APCDD1L: variants seen among roughly 807,000 people sequenced by gnomAD.
The protein encoded by APCDD1L is APC down-regulated 1 like, also known as protein APCDD1-like.
Under a neutral mutation model 24.2 loss-of-function variants are expected in APCDD1L, and 21 were observed. The ratio of observed to expected loss-of-function variants is 0.87; its 90% confidence interval spans 0.61 to 1.25. The LOEUF is 1.25. Among genes scored for constraint, APCDD1L ranks in the 50% most tolerant of loss-of-function variants. The pLI is 0.00. For missense variants in APCDD1L, 704 were observed against 711.7 expected (o/e 0.99, Z 0.12); for synonymous variants, 321 against 323.6 (o/e 0.99, Z 0.09).
At position 58,494,278 on chromosome 20, in the gene APCDD1L, TTCTTTTC is replaced by T. The variant is rs1379793092; in HGVS notation, c.49+20374_49+20380del. Among the ~76,000 whole-genome samples the T allele has an allele frequency of 6.9e-6, 1 of 144,336 alleles. No homozygotes were observed. The highest frequency in any genetic ancestry group is 2.2e-4 in the East Asian group (1 of 4,638). 94.7% of individuals were successfully genotyped at this position (144,336 alleles called of 152,430 possible). A position where few individuals can be genotyped will look rare whatever the true frequency, so the allele number is the denominator to read the frequency against. On this transcript the variant is annotated intron_variant, in intron 1 of 3. Coordinates refer to ENST00000371149, the MANE Select transcript of APCDD1L (RefSeq NM_153360.3). The surrounding 1 kb of genome is among the most constrained non-coding windows in gnomAD (Gnocchi z 4.8). ...AACTGCATTTCTTTTTTCTTTTCTT[TTCTTTTC>T]TTACTTTTCTTTTCTCTTCTCTCTT...
intron 1 of APCDD1L, among the ~76,000 whole-genome samples, chr20:58,501,656 A>C (rs1413859934): frequency 6.6e-6 from 1 of 152,092 alleles, no homozygotes; most frequent in Non-Finnish European, 1.5e-5. Context: ...GTTCATCTCC[A>C]AGTCCTGACA....
Position 58,461,371 on chromosome 20 carries a change from G to T in APCDD1L, c.925C>A (p.Arg309Ser). ...TGGTGGTAATACCCTTCCCAGGAGC[G>T]GCTGTGCCCGTGGAAAGTGAAGAGC... Reference protein sequence around the residue: ...TRLFTFHGHSRSWEGYYHHFS... With the variant: ...TRLFTFHGHSSSWEGYYHHFS... The change falls in exon 4 of 4, where the codon CGC becomes AGC. Residue 309 changes from arginine to serine, a missense_variant. By Grantham distance (110) the Arg-to-Ser change is moderately radical. Coordinates refer to ENST00000371149, the MANE Select transcript of APCDD1L (RefSeq NM_153360.3). The surrounding 1 kb of genome is among the most constrained non-coding windows in gnomAD (Gnocchi z 6.0). The T allele has an allele frequency of 6.4e-7, 1 of 1,566,758 alleles. No individual in the cohort carries two copies. The highest frequency in any genetic ancestry group is 1.2e-5 in the South Asian group (1 of 84,720).
chr20:58,471,394 G>A lies in APCDD1L; in HGVS notation c.50-647C>T, dbSNP rs369106103. 9.8e-5 allele frequency among the ~76,000 whole-genome samples: 15 copies of A among 152,320 alleles called. 1 individual carries two copies. Among genetic ancestry groups the A allele is most frequent in the African/African-American group, 3.1e-4 (13 of 41,586 alleles). On this transcript the variant is annotated intron_variant, in intron 1 of 3. Coordinates refer to ENST00000371149, the MANE Select transcript of APCDD1L (RefSeq NM_153360.3). ...CATGGCCGCTGCAGAGGCCCGGGCC[G>A]AGGTGTGAGGCCAAACAATGCAGGC...
intron 1 of APCDD1L, among the ~76,000 whole-genome samples, chr20:58,501,104 C>T (rs768797324): frequency 5.3e-5 from 8 of 152,202 alleles, no homozygotes; most frequent in Non-Finnish European, 7.3e-5. Flanking sequence ...TGTCCCATCC[C>T]CAGGGGTAAC....
chr20:58,499,593 G>T (rs1990392668), intron 1 of APCDD1L, among the ~76,000 whole-genome samples: 1 of 152,208 alleles, frequency 6.6e-6, no homozygotes, highest in Non-Finnish European at 1.5e-5. Context: ...CCTTGGACAA[G>T]CTGTGGCTCC....
intron 1 of APCDD1L, among the ~76,000 whole-genome samples, chr20:58,488,787 A>T (rs907313112): frequency 1.3e-5 from 2 of 152,232 alleles, no homozygotes. Flanking sequence ...CCTAAGAATT[A>T]AAGATAACCG....
chr20:58,492,704 A>G (rs1990242934), intron 1 of APCDD1L, among the ~76,000 whole-genome samples: 1 of 152,274 alleles, frequency 6.6e-6, no homozygotes, highest in Non-Finnish European at 1.5e-5. Context: ...TTACATCACC[A>G]TCTGATATAT....
chr20:58,469,734 C>T (rs562066804), intron 2 of APCDD1L, among the ~76,000 whole-genome samples: 89 of 152,320 alleles, frequency 5.8e-4, no homozygotes, highest in African/African-American at 1.9e-3. Flanking sequence ...CTTCCTCCAA[C>T]GAAAGCGCTA....
intron 1 of APCDD1L, among the ~76,000 whole-genome samples, chr20:58,483,431 G>A (rs911253796): frequency 9.9e-5 from 15 of 152,042 alleles, no homozygotes; most frequent in African/African-American, 3.6e-4. Context: ...CCATTCCAGG[G>A]GTCCATGGTG....
At chr20:58,480,561 A>G (rs1476429394) in intron 1 of APCDD1L, among the ~76,000 whole-genome samples, 3 of 152,176 alleles carry the variant, frequency 2.0e-5, no homozygotes, top group African/African-American at 7.2e-5. Context: ...TTAAGCCACA[A>G]TGGAAAACGC....
rs1196439582 is a variant in APCDD1L, at chr20:58,467,620, G to A, written c.227C>T (p.Ala76Val). 6 of 1,528,454 alleles carry A rather than the reference G, an allele frequency of 3.9e-6. No individual in the cohort carries two copies. Among genetic ancestry groups the A allele is most frequent in the Non-Finnish European group, 5.3e-6 (6 of 1,133,454 alleles). 94.7% of individuals were successfully genotyped at this position (1,528,454 alleles called of 1,614,324 possible). The change falls in exon 3 of 4, where the codon GCC becomes GTC. Residue 76 changes from alanine to valine, a missense_variant. Physicochemically the swap from Ala to Val is moderately conservative, Grantham distance 64. Transcript: ENST00000371149. This position sits in a 1 kb window ranked among gnomAD's most constrained non-coding sequence, Gnocchi z 5.9. Reference protein sequence around the residue: ...VRPGPEFLTRAYTFYPSRLFR... With the variant: ...VRPGPEFLTRVYTFYPSRLFR... ...GAGCCGGCTGGGGTAGAAGGTGTAGGCGCGGGTCAGGAACTCCGGTCCTGG... is the reference window on the plus strand; with the variant it reads ...GAGCCGGCTGGGGTAGAAGGTGTAGACGCGGGTCAGGAACTCCGGTCCTGG...
intron 1 of APCDD1L, among the ~76,000 whole-genome samples, chr20:58,486,810 T>C (rs1990124795): frequency 7.0e-6 from 1 of 143,558 alleles, no homozygotes; most frequent in South Asian, 2.3e-4. Context: ...AATGACCTTC[T>C]AAACAAAGGA....
chr20:58,480,312 A>C (rs1990000100), intron 1 of APCDD1L, among the ~76,000 whole-genome samples: 2 of 152,156 alleles, frequency 1.3e-5, no homozygotes, highest in Admixed American at 6.5e-5. Flanking sequence ...CTGCCCGAGA[A>C]AGTCAGTCAA....
Position 58,461,747 on chromosome 20 carries a change from T to A in APCDD1L, c.742-193A>T. ...GCTTCAGCCAGGATGGCCTCCTTGA[T>A]GGAGGTCAGCCCCTGTATCCCCCGG... On this transcript the variant is annotated intron_variant, in intron 3 of 3. Coordinates refer to ENST00000371149, the MANE Select transcript of APCDD1L (RefSeq NM_153360.3). This position sits in a 1 kb window ranked among gnomAD's most constrained non-coding sequence, Gnocchi z 6.0. 2.0e-6 allele frequency: 1 copy of A among 492,852 alleles called. No homozygotes were observed. Among genetic ancestry groups the A allele is most frequent in the Non-Finnish European group, 3.2e-6 (1 of 308,054 alleles). The allele number at this position is 492,852 out of a possible 1,614,324, so 30.5% of individuals were successfully genotyped here. A position where few individuals can be genotyped will look rare whatever the true frequency, so the allele number is the denominator to read the frequency against.
Position 58,515,046 on chromosome 20 carries a change from G to T in APCDD1L, c.-339C>A. On this transcript the variant is annotated 5_prime_UTR_variant, in exon 1 of 4. Transcript: ENST00000371149. ...TCCCCCAGATGTCCGTCCCCTGGCC[G>T]TCGCCTTCCCCAAAGTCTTCGCAGT... The T allele has an allele frequency of 4.1e-6, 1 of 246,142 alleles. No individual in the cohort carries two copies. Among genetic ancestry groups the T allele is most frequent in the Non-Finnish European group, 7.7e-6 (1 of 130,070 alleles). The allele number at this position is 246,142 out of a possible 1,614,324, so 15.2% of individuals were successfully genotyped here. A position where few individuals can be genotyped will look rare whatever the true frequency, so the allele number is the denominator to read the frequency against.
At chr20:58,496,910 A>G (rs1990333994) in intron 1 of APCDD1L, among the ~76,000 whole-genome samples, 1 of 152,198 alleles carries the variant, frequency 6.6e-6, no homozygotes, top group African/African-American at 2.4e-5. Flanking sequence ...AGCGGCACTG[A>G]GGAAGAGTGG....
At chr20:58,489,135 A>G (rs114534492) in intron 1 of APCDD1L, among the ~76,000 whole-genome samples, 36 of 152,338 alleles carry the variant, frequency 2.4e-4, no homozygotes, top group African/African-American at 8.2e-4. Flanking sequence ...GAATAGTTCC[A>G]TAACTGTTGA....
chr20:58,513,771 G>A, intron 1 of APCDD1L: 1 of 678,358 alleles, frequency 1.5e-6, no homozygotes, highest in Non-Finnish European at 2.4e-6. Context: ...GAGCCCATTT[G>A]ACAGGAAAGA....
At chr20:58,478,999 C>T (rs1568740926) in intron 1 of APCDD1L, among the ~76,000 whole-genome samples, 1 of 152,076 alleles carries the variant, frequency 6.6e-6, no homozygotes, top group East Asian at 1.9e-4. Context: ...GCTTTAAAGC[C>T]TCTTTTCACC....
Sources: allele counts gnomAD v4.1 joint callset (sites outside exome capture counted in the v4.1 genomes callset), GRCh38; gene constraint gnomAD v4.1.1; non-coding constraint Gnocchi (gnomAD v3.1); transcripts MANE v1.5; gene names NCBI Gene and HGNC (gene_info 2026-07-23, HGNC 2026-07-21).